DCTN1: variants seen among roughly 807,000 people sequenced by gnomAD.
DCTN1 encodes the protein 150 kDa dynein-associated polypeptide.
In DCTN1, 61 loss-of-function variants were observed where a neutral mutation model predicts 161.2. The observed-to-expected ratio is 0.38, with a 90% CI of 0.31 to 0.47. The LOEUF (loss-of-function observed/expected upper bound fraction) is 0.47. DCTN1 is among the 20% of genes least tolerant of loss of function. The pLI is 0.99. For missense variants in DCTN1, 1,404 were observed against 1,623.7 expected, an observed-to-expected ratio of 0.86 and a Z score of 2.33; for synonymous variants, 653 against 632.4, an observed-to-expected ratio of 1.03 and a Z score of -0.49.
At position 74,366,926 on chromosome 2, in the gene DCTN1, G is replaced by T; in HGVS notation, c.2323C>A (p.Gln775Lys). ...GRLRAFLQGG[Q>K]EATDIALLLR... ...AGGAGGGCAATATCTGTAGCCTCCT[G>T]CCCACCCTACTCAGGAAAAAGAAAA... The change falls in exon 21 of 32, where the codon CAG becomes AAG. Residue 775 changes from glutamine (Q) to lysine (K), a missense_variant. Transcript: ENST00000628224. 1 of 1,614,196 alleles carries T rather than the reference G, an allele frequency of 6.2e-7. No individual in the cohort carries two copies. Among genetic ancestry groups the T allele is most frequent in the South Asian group, 1.1e-5 (1 of 91,078 alleles).
In DCTN1 at chr2:74,369,842, G is replaced by C; in HGVS notation, c.1392+123C>G. 1 of 922,686 alleles carries C rather than the reference G, an allele frequency of 1.1e-6. No homozygotes were observed. 57.2% of individuals were successfully genotyped at this position (922,686 alleles called of 1,614,324 possible). On this transcript the variant is annotated intron_variant, in intron 13 of 31. Coordinates refer to ENST00000628224, the MANE Select transcript of DCTN1 (RefSeq NM_004082.5). This position sits in a 1 kb window ranked among gnomAD's most constrained non-coding sequence, Gnocchi z 4.9. ...AAAAAAAAAAAAAAAAAAAAGGCAG[G>C]GTCAGGGTAGCAAGCCCAGGCTGGG...
In DCTN1 at chr2:74,366,538, T is replaced by C; in HGVS notation, c.2549A>G (p.Gln850Arg). The C allele has an allele frequency of 1.2e-6, 2 of 1,614,110 alleles. No homozygotes were observed. Among genetic ancestry groups the C allele is most frequent in the Non-Finnish European group, 1.7e-6 (2 of 1,179,988 alleles). ...ATTCTCTGCCAGTGGGGCAATGAGC[T>C]GGGCAGCAGCAGCTGCCACCTCCTG... ...VLQEVAAAAAQLIAPLAENEG... is the reference protein window; with the variant it reads ...VLQEVAAAAARLIAPLAENEG... Residue 850 changes from glutamine (Q) to arginine (R), a missense_variant, in exon 22 of 32, where the codon CAG becomes CGG. By Grantham distance (43) the Gln-to-Arg change is conservative. Transcript: ENST00000628224.
At chr2:74,377,041 C>T (rs1675267882) in intron 4 of DCTN1, among the ~76,000 whole-genome samples, 1 of 152,206 alleles carries the variant, frequency 6.6e-6, no homozygotes, top group African/African-American at 2.4e-5. Context: ...GGCCCGGCTC[C>T]TTGCCATTCA....
At chr2:74,363,566 C>G (rs1289495665) in intron 27 of DCTN1, 48 bp downstream of exon 27, 1 of 1,610,116 alleles carries the variant, frequency 6.2e-7, no homozygotes, top group African/African-American at 1.3e-5. Flanking sequence ...GCTCCCTTAG[C>G]TCCAACTCCC....
intron 3 of DCTN1, 37 bp downstream of exon 3, chr2:74,377,611 G>T: frequency 6.3e-7 from 1 of 1,579,016 alleles, no homozygotes; most frequent in Non-Finnish European, 8.7e-7. Context: ...GACTCCTCCT[G>T]GCTATGGGGA....
intron 26 of DCTN1, chr2:74,363,887 T>G (rs1454391454): frequency 3.5e-6 from 2 of 573,786 alleles, no homozygotes; most frequent in Non-Finnish European, 6.4e-6. Context: ...AAAGAGAGTG[T>G]GCACTGTACA....
chr2:74,370,600 C>T lies in DCTN1; in HGVS notation c.1048+21G>A. 3 of 1,614,132 alleles carry T rather than the reference C, an allele frequency of 1.9e-6. No homozygotes were observed. In the African/African-American group the frequency reaches 4.0e-5, roughly 22 times the overall value. On this transcript the variant is annotated intron_variant, in intron 10 of 31. Transcript: ENST00000628224. This position sits in a 1 kb window ranked among gnomAD's most constrained non-coding sequence, Gnocchi z 4.4. Reference sequence around the variant, plus strand: ...GGTTCTCACCTGACCGTTTGGCCCCCAGCAGCTGTGGGCCCCTTACCCTTC... The same window carrying T: ...GGTTCTCACCTGACCGTTTGGCCCCTAGCAGCTGTGGGCCCCTTACCCTTC...
Position 74,367,033 on chromosome 2 carries a change from A to G in DCTN1, c.2316+12T>C. The G allele has an allele frequency of 4.3e-6, 7 of 1,614,156 alleles. No individual in the cohort carries two copies. Among genetic ancestry groups the G allele is most frequent in the Non-Finnish European group, 5.9e-6 (7 of 1,180,018 alleles). On this transcript the variant is annotated intron_variant, in intron 20 of 31. Coordinates refer to ENST00000628224, the MANE Select transcript of DCTN1 (RefSeq NM_004082.5). ...AGAAGAGGAGCTCACACAGATCTAGATGTGTTCTCACCTGCAAGAAGGCAC... is the reference window on the plus strand; with the variant it reads ...AGAAGAGGAGCTCACACAGATCTAGGTGTGTTCTCACCTGCAAGAAGGCAC...
intron 21 of DCTN1, 45 bp downstream of exon 21, chr2:74,366,738 T>C (rs1053334902): frequency 6.2e-7 from 1 of 1,614,256 alleles, no homozygotes; most frequent in Non-Finnish European, 8.5e-7. Flanking sequence ...ATACCCTTCA[T>C]GTTTCTACTC....
chr2:74,385,915 C>T (rs1359740485), intron 1 of DCTN1, among the ~76,000 whole-genome samples: 1 of 152,210 alleles, frequency 6.6e-6, no homozygotes, highest in East Asian at 1.9e-4. Flanking sequence ...ATCTGCCTGT[C>T]TCTCTGCCAA....
At chr2:74,381,056 C>T (rs1019032757), upstream of DCTN1, among the ~76,000 whole-genome samples, 9 of 152,180 alleles carry the variant, frequency 5.9e-5, no homozygotes, top group Non-Finnish European at 1.0e-4. Context: ...TTATTTTCTA[C>T]GCTTTTGTAT....
At chr2:74,384,291 T>A (rs138580540), upstream of DCTN1, among the ~76,000 whole-genome samples, 114 of 152,374 alleles carry the variant, frequency 7.5e-4, 1 homozygote, top group African/African-American at 2.5e-3. Context: ...GTCAAATGAC[T>A]TGCCCAAGTC....
chr2:74,364,196 T>C (rs1332723162), intron 26 of DCTN1: 1 of 166,198 alleles, frequency 6.0e-6, no homozygotes, highest in Non-Finnish European at 1.3e-5. Context: ...TCCTGGAAAC[T>C]CTCTCCAAAG....
intron 1 of DCTN1, among the ~76,000 whole-genome samples, chr2:74,387,310 T>A (rs1302253104): frequency 2.0e-5 from 3 of 152,196 alleles, no homozygotes; most frequent in Non-Finnish European, 4.4e-5. Flanking sequence ...TCTGTCATTA[T>A]TTTCAGCCTT....
intron 1 of DCTN1, among the ~76,000 whole-genome samples, chr2:74,388,140 T>C (rs1391946789): frequency 6.6e-6 from 1 of 152,138 alleles, no homozygotes; most frequent in Non-Finnish European, 1.5e-5. Flanking sequence ...GAGGTTGCAG[T>C]GAGCCAAAAT....
rs770913292 is a variant in DCTN1, at chr2:74,366,818, GAGC to G, written c.2428_2430del (p.Ala810del). Reference sequence around the variant, plus strand: ...AAGGCCAGTGCAGCTGGGATCCCAGGAGCATCTGTCCCTGGCATTCGCCTTCGG... The same window carrying G: ...AAGGCCAGTGCAGCTGGGATCCCAGGATCTGTCCCTGGCATTCGCCTTCGG... On this transcript the variant is annotated inframe_deletion, in exon 21 of 32. Transcript: ENST00000628224. 1 of 1,614,098 alleles carries G rather than the reference GAGC, an allele frequency of 6.2e-7. No homozygotes were observed. The highest frequency in any genetic ancestry group is 8.5e-7 in the Non-Finnish European group (1 of 1,180,054).
At chr2:74,371,793 A>G in intron 7 of DCTN1, 65 bp from the exon 8 acceptor site, 1 of 1,330,900 alleles carries the variant, frequency 7.5e-7, no homozygotes, top group Non-Finnish European at 1.1e-6. Flanking sequence ...AGAGGAACAG[A>G]AACAGAATAT....
At chr2:74,391,687 A>C in intron 1 of DCTN1, 2 of 399,982 alleles carry the variant, frequency 5.0e-6, no homozygotes, top group South Asian at 1.8e-5. Flanking sequence ...CACCCCTGCC[A>C]GTCCCCGCCC....
At chr2:74,363,514 C>T in intron 27 of DCTN1, 87 bp from the exon 28 acceptor site, 5 of 1,596,420 alleles carry the variant, frequency 3.1e-6, no homozygotes, top group Non-Finnish European at 4.3e-6. Flanking sequence ...TTTCCTCATC[C>T]CCCCATCACC....
Sources: gnomAD v4.1 joint callset for allele counts (sites outside exome capture counted in the v4.1 genomes callset) on GRCh38, gnomAD v4.1.1 for gene constraint, Gnocchi (gnomAD v3.1) non-coding constraint, MANE v1.5 for transcripts, NCBI Gene and HGNC (gene_info 2026-07-23, HGNC 2026-07-21) for gene names.